Variants in NXPE1 observed in about 807,000 individuals in gnomAD.
NXPE1 encodes neurexophilin and PC-esterase domain family member 1.
A neutral mutation model predicts 33.3 loss-of-function variants in NXPE1; 31 were observed. The observed-to-expected ratio is 0.93, with a 90% CI of 0.70 to 1.26. The LOEUF (loss-of-function observed/expected upper bound fraction) is 1.26. Ranked by LOEUF, NXPE1 falls within the 50% of genes most tolerant of loss-of-function variation. NXPE1 has a pLI of 0.00. For missense variants in NXPE1, 661 were observed against 655.6 expected, an observed-to-expected ratio of 1.01 and a Z score of -0.09; for synonymous variants, 229 against 231.4, an observed-to-expected ratio of 0.99 and a Z score of 0.09.
chr11:114,526,185 C>T (rs890937604), intron 7 of NXPE1, among the ~76,000 whole-genome samples: 4 of 152,158 alleles, frequency 2.6e-5, no homozygotes, highest in South Asian at 2.1e-4. Flanking sequence ...AACAGATTCT[C>T]CCCTGGAGCC....
chr11:114,530,264 T>C (rs1254364052), exon 6 of NXPE1: 3 of 1,614,140 alleles, frequency 1.9e-6, no homozygotes, highest in East Asian at 2.2e-5. Flanking sequence ...AGGGCATGTG[T>C]TGAGGCTTCA....
At chr11:114,522,318 T>C (rs1166032880) in exon 9 of NXPE1, 2 of 1,614,106 alleles carry the variant, frequency 1.2e-6, no homozygotes, top group South Asian at 2.2e-5. Flanking sequence ...ACGATGGCTG[T>C]GTTTTTGTCA....
chr11:114,557,660 TATATATATATATAA>T (rs1445373147), intron 1 of NXPE1, among the ~76,000 whole-genome samples: 14 of 96,184 alleles, frequency 1.5e-4, no homozygotes, highest in African/African-American at 6.0e-4. Context: ...TATATATATA[TATATATATATATAA>T]AATCCTTGTT....
intron 1 of NXPE1, chr11:114,554,153 G>A (rs1948594143): frequency 1.0e-6 from 1 of 985,396 alleles, no homozygotes; most frequent in Non-Finnish European, 1.2e-6. Flanking sequence ...TTGAATCAAT[G>A]TACAGAGCCC....
intron 5 of NXPE1, among the ~76,000 whole-genome samples, chr11:114,535,923 C>G: frequency 6.6e-6 from 1 of 152,102 alleles, no homozygotes; most frequent in African/African-American, 2.4e-5. Context: ...AGCTCTGCAC[C>G]AAGCAGACCT....
At position 114,522,082 on chromosome 11, in the gene NXPE1, G is replaced by A. The variant is rs765591762; in HGVS notation, c.1530C>T (p.Asn510=). ...TGTCCCAGGCATCAATGATGCCCAC[G>A]TTGAGGTCTTTGAAAATATCCTTCA... The change falls in exon 9 of 9, where the codon AAC becomes AAT. Residue 510 remains asparagine (N), a synonymous_variant. Coordinates refer to ENST00000534921, the Ensembl canonical transcript of NXPE1. 10 of 1,613,826 alleles carry A rather than the reference G, an allele frequency of 6.2e-6. No individual in the cohort carries two copies. The East Asian group carries it at 8.9e-5, about 14-fold the overall frequency.
At chr11:114,558,210 G>A (rs1256364819) in intron 1 of NXPE1, among the ~76,000 whole-genome samples, 4 of 151,984 alleles carry the variant, frequency 2.6e-5, no homozygotes, top group Non-Finnish European at 5.9e-5. Flanking sequence ...GTTTATGTGT[G>A]TGTGTATATA....
In NXPE1 at chr11:114,531,388, C is replaced by G. The variant is rs138712794; in HGVS notation, c.100-480G>C. Among the ~76,000 whole-genome samples, 1,260 of 152,188 alleles carry G rather than the reference C, an allele frequency of 8.3e-3. 23 individuals are homozygous for G. Among genetic ancestry groups the G allele is most frequent in the African/African-American group, 0.029 (1,210 of 41,516 alleles). On this transcript the variant is annotated intron_variant, in intron 5 of 8. Coordinates refer to ENST00000534921, the Ensembl canonical transcript of NXPE1. Reference sequence around the variant, plus strand: ...CCAGCTGTATCACAGTTCAAGCCACCGTCATTTATCTCCTGGATTATAGTG... The same window carrying G: ...CCAGCTGTATCACAGTTCAAGCCACGGTCATTTATCTCCTGGATTATAGTG...
chr11:114,548,626 C>T (rs1382413906), intron 5 of NXPE1, among the ~76,000 whole-genome samples: 1 of 151,748 alleles, frequency 6.6e-6, no homozygotes. Context: ...ATAATTAATG[C>T]ATATTATGTT....
chr11:114,552,570 G>C (rs79911828), intron 2 of NXPE1, among the ~76,000 whole-genome samples: 1 of 151,690 alleles, frequency 6.6e-6, no homozygotes, highest in African/African-American at 2.4e-5. Context: ...CAAAAAGCAT[G>C]TTCAATAGGA....
chr11:114,553,692 A>ATTC (rs1367554809), intron 1 of NXPE1: 8 of 983,950 alleles, frequency 8.1e-6, no homozygotes, highest in Non-Finnish European at 9.7e-6. Flanking sequence ...TCTCACCTAG[A>ATTC]TTCTACTCCT....
chr11:114,524,692 T>A (rs1456233620), intron 7 of NXPE1, among the ~76,000 whole-genome samples: 1 of 152,214 alleles, frequency 6.6e-6, no homozygotes, highest in Non-Finnish European at 1.5e-5. Context: ...TGGCACACTT[T>A]GCTGAGAACA....
chr11:114,519,899 G>T (rs942310005), downstream of NXPE1, among the ~76,000 whole-genome samples: 3 of 146,340 alleles, frequency 2.1e-5, no homozygotes, highest in African/African-American at 5.3e-5. Flanking sequence ...TTGTTTGTTT[G>T]TTTGTTTTTT....
intron 5 of NXPE1, among the ~76,000 whole-genome samples, chr11:114,536,430 A>G (rs1947827629): frequency 6.6e-6 from 1 of 152,224 alleles, no homozygotes; most frequent in African/African-American, 2.4e-5. Flanking sequence ...AATAACTAAG[A>G]TCAGAGCAGG....
intron 6 of NXPE1, 147 bp downstream of exon 6, chr11:114,530,028 T>C: frequency 1.3e-6 from 1 of 772,314 alleles, no homozygotes; most frequent in East Asian, 2.5e-5. Flanking sequence ...CCTAGAGTGG[T>C]GAGTAGAGGC....
chr11:114,525,412 A>G (rs1025571463), intron 7 of NXPE1, among the ~76,000 whole-genome samples: 4 of 151,984 alleles, frequency 2.6e-5, no homozygotes, highest in Admixed American at 2.6e-4. Flanking sequence ...TACTAGGCTG[A>G]CCCACTCTAA....
chr11:114,544,246 T>C (rs1035424223), intron 5 of NXPE1, among the ~76,000 whole-genome samples: 3 of 152,090 alleles, frequency 2.0e-5, no homozygotes, highest in African/African-American at 7.2e-5. Context: ...AAATTTTATA[T>C]GGAAAGGTAA....
chr11:114,522,449 A>C, exon 9 of NXPE1: 1 of 1,613,018 alleles, frequency 6.2e-7, no homozygotes, highest in Non-Finnish European at 8.5e-7. Flanking sequence ...TTCTGCATCC[A>C]GAAGCAAATG....
At position 114,548,490 on chromosome 11, in the gene NXPE1, T is replaced by C. The variant is rs1480305106; in HGVS notation, c.99+2613A>G. Among the ~76,000 whole-genome samples the C allele has an allele frequency of 2.0e-5, 3 of 152,066 alleles. No homozygotes were observed. The East Asian group carries it at 5.8e-4, about 29-fold the overall frequency. On this transcript the variant is annotated intron_variant, in intron 5 of 8. Coordinates refer to ENST00000534921, the Ensembl canonical transcript of NXPE1. Reference sequence around the variant, plus strand: ...AGGCAGCATTCTTATAATGCAGGTATTTAATAGAGATTTATGAAATAAAAA... The same window carrying C: ...AGGCAGCATTCTTATAATGCAGGTACTTAATAGAGATTTATGAAATAAAAA...
Sources: allele counts gnomAD v4.1 joint callset (sites outside exome capture counted in the v4.1 genomes callset), GRCh38; gene constraint gnomAD v4.1.1; transcripts MANE v1.5; gene names NCBI Gene and HGNC (gene_info 2026-07-23, HGNC 2026-07-21).